SNX29: variants seen among roughly 807,000 people sequenced by gnomAD.
SNX29 encodes the protein sorting nexin 29, also known as sorting nexin-29.
In SNX29, 78 loss-of-function variants were observed where a neutral mutation model predicts 102.1. That is an observed-to-expected ratio of 0.76 (90% CI 0.64 to 0.92). The LOEUF (loss-of-function observed/expected upper bound fraction) is 0.92, where lower values mean the gene tolerates loss of function less well. SNX29 is among the 40% of genes least tolerant of loss of function. The pLI, the probability that SNX29 is intolerant of heterozygous loss-of-function variation, is 0.00. For missense variants in SNX29, 1,280 were observed against 1,061.7 expected, an observed-to-expected ratio of 1.21 and a Z score of -2.86; for synonymous variants, 580 against 414.5, an observed-to-expected ratio of 1.40 and a Z score of -4.85.
chr16:12,565,135 C>T (rs888683409), intron 20 of SNX29, among the ~76,000 whole-genome samples: 3 of 151,290 alleles, frequency 2.0e-5, no homozygotes, highest in Admixed American at 6.6e-5. Flanking sequence ...CCACATTAGC[C>T]CCCACTTCCT....
At chr16:12,352,928 T>A (rs1053204180) in intron 15 of SNX29, among the ~76,000 whole-genome samples, 4 of 152,200 alleles carry the variant, frequency 2.6e-5, no homozygotes, top group African/African-American at 9.7e-5. Context: ...CATCAGACTC[T>A]CAAACTGATG....
chr16:12,445,927 G>T (rs949677815), intron 18 of SNX29, among the ~76,000 whole-genome samples: 3 of 152,148 alleles, frequency 2.0e-5, no homozygotes, highest in African/African-American at 4.8e-5. Flanking sequence ...GCTAGTAAAT[G>T]TGTGTGAAAA....
At chr16:12,553,679 C>T (rs544056208) in intron 20 of SNX29, among the ~76,000 whole-genome samples, 2 of 149,994 alleles carry the variant, frequency 1.3e-5, no homozygotes, top group Non-Finnish European at 3.0e-5. Context: ...CAACCTCCGC[C>T]TCCTGGGTTC....
chr16:12,234,655 T>C (rs574671947), intron 14 of SNX29, among the ~76,000 whole-genome samples: 1 of 152,244 alleles, frequency 6.6e-6, no homozygotes, highest in Admixed American at 6.5e-5. Flanking sequence ...CTGTTAATTT[T>C]AGGCTTCAAA....
chr16:12,180,330 G>A (rs1366629936), intron 13 of SNX29, among the ~76,000 whole-genome samples: 1 of 152,108 alleles, frequency 6.6e-6, no homozygotes, highest in African/African-American at 2.4e-5. Flanking sequence ...GTTCTTTTAT[G>A]TCATTTTTGT....
intron 19 of SNX29, among the ~76,000 whole-genome samples, chr16:12,516,195 C>T (rs533734372): frequency 4.6e-5 from 7 of 152,204 alleles, no homozygotes; most frequent in East Asian, 1.9e-4. Context: ...AGAATGGGTA[C>T]GAGACCAGGC....
intron 12 of SNX29, among the ~76,000 whole-genome samples, chr16:12,127,608 G>T (rs1220316078): frequency 6.6e-6 from 1 of 152,064 alleles, no homozygotes; most frequent in East Asian, 1.9e-4. Context: ...TTTTAGTAGA[G>T]TTGGGGTTTT....
At chr16:12,555,850 A>C (rs932147229) in intron 20 of SNX29, among the ~76,000 whole-genome samples, 2 of 150,412 alleles carry the variant, frequency 1.3e-5, no homozygotes, top group African/African-American at 4.9e-5. Flanking sequence ...CCCCCTCACC[A>C]CCTCCATCAT....
intron 11 of SNX29, among the ~76,000 whole-genome samples, chr16:12,079,585 C>T (rs761963857): frequency 7.2e-5 from 11 of 152,078 alleles, no homozygotes; most frequent in Non-Finnish European, 1.6e-4. Context: ...TTTTCTGATT[C>T]AAGGGTGAAG....
intron 3 of SNX29, among the ~76,000 whole-genome samples, chr16:12,006,206 A>AAATAATAATAATAATAATAATAAT (rs58638368): frequency 6.8e-6 from 1 of 146,662 alleles, no homozygotes; most frequent in African/African-American, 2.5e-5. Context: ...CCTGTCTCTA[A>AAATAATAATAATAATAATAATAAT]AATAATAATA....
At chr16:12,317,015 A>T (rs2080766695) in intron 15 of SNX29, among the ~76,000 whole-genome samples, 1 of 152,212 alleles carries the variant, frequency 6.6e-6, no homozygotes, top group South Asian at 2.1e-4. Flanking sequence ...TTCCTTTATT[A>T]AATGGAATGT....
intron 8 of SNX29, among the ~76,000 whole-genome samples, chr16:12,054,312 T>C (rs1298464028): frequency 6.6e-6 from 1 of 152,236 alleles, no homozygotes; most frequent in Admixed American, 6.5e-5. Context: ...TGAATATTGA[T>C]TTGTTGATGT....
At position 12,466,398 on chromosome 16, in the gene SNX29, C is replaced by T. The variant is rs76502379; in HGVS notation, c.2038-11321C>T. Among the ~76,000 whole-genome samples, 1,514 of 152,250 alleles carry T rather than the reference C, an allele frequency of 9.9e-3. 34 individuals are homozygous for T. The highest frequency in any genetic ancestry group is 0.035 in the African/African-American group (1,449 of 41,530). On this transcript the variant is annotated intron_variant, in intron 18 of 20. Coordinates refer to ENST00000566228, the MANE Select transcript of SNX29 (RefSeq NM_032167.5). ...TGAAAACACAAATTTAGAAAAGTCC[C>T]ATTTATAATAACATCAGGCTAGAAC...
chr16:12,058,447 G>C (rs1159299078), intron 8 of SNX29, among the ~76,000 whole-genome samples: 3 of 149,822 alleles, frequency 2.0e-5, no homozygotes, highest in African/African-American at 7.4e-5. Context: ...CACTCATTTT[G>C]AGGCAGTAGC....
intron 13 of SNX29, among the ~76,000 whole-genome samples, chr16:12,191,374 C>A (rs1181224698): frequency 1.3e-5 from 2 of 152,154 alleles, no homozygotes; most frequent in Non-Finnish European, 2.9e-5. Flanking sequence ...TTGTGAGTCC[C>A]AGCTCTGCCA....
At chr16:12,526,307 T>A (rs80298623) in intron 20 of SNX29, among the ~76,000 whole-genome samples, 5,748 of 152,204 alleles carry the variant, frequency 0.038, 172 homozygotes, top group South Asian at 0.12. Context: ...GGTGTGCTCC[T>A]GTCTGTGGGG....
At chr16:12,553,611 A>G (rs571160749) in intron 20 of SNX29, among the ~76,000 whole-genome samples, 74 of 118,556 alleles carry the variant, frequency 6.2e-4, no homozygotes, top group African/African-American at 2.1e-3. Context: ...CCCCTGCAAG[A>G]TGGAATTTTG....
At chr16:12,548,434 C>G (rs1003236660) in intron 20 of SNX29, among the ~76,000 whole-genome samples, 5 of 152,226 alleles carry the variant, frequency 3.3e-5, no homozygotes, top group African/African-American at 1.2e-4. Context: ...TGTGCCACAT[C>G]CCTGTACCAT....
chr16:12,166,809 T>C (rs753366216), intron 13 of SNX29, among the ~76,000 whole-genome samples: 1 of 152,220 alleles, frequency 6.6e-6, no homozygotes, highest in South Asian at 2.1e-4. Context: ...ATTCAGTGCT[T>C]CCAGCAGATC....
Sources: allele counts gnomAD v4.1 joint callset (sites outside exome capture counted in the v4.1 genomes callset), GRCh38; gene constraint gnomAD v4.1.1; transcripts MANE v1.5; gene names NCBI Gene and HGNC (gene_info 2026-07-23, HGNC 2026-07-21).